The following BRIP1 variants were observed in gnomAD, a reference collection of about 807,000 sequenced individuals.
BRIP1 encodes the protein Fanconi anemia group J protein.
Under a neutral mutation model 119.7 loss-of-function variants are expected in BRIP1, and 88 were observed. The ratio of observed to expected loss-of-function variants is 0.74; its 90% CI spans 0.62 to 0.88. The LOEUF (loss-of-function observed/expected upper bound fraction) is 0.88. BRIP1 is among the 40% of genes least tolerant of loss of function. The probability of loss-of-function intolerance (pLI) is 0.00; values close to 1 mark genes in which losing one functional copy is unlikely to be tolerated. For synonymous variants in BRIP1, 443 were observed against 496.5 expected (o/e 0.89, Z 1.43); for missense variants, 1,259 against 1,455.4 (o/e 0.87, Z 2.20).
At chr17:61,727,348 C>T (rs144896846) in intron 16 of BRIP1, among the ~76,000 whole-genome samples, 267 of 152,212 alleles carry the variant, frequency 1.8e-3, no homozygotes, top group Non-Finnish European at 2.3e-3. Flanking sequence ...CGAGCATGTA[C>T]ATAAGAAAAA....
rs1260282146 is a variant in BRIP1, at chr17:61,846,281, T to C, written c.627+820A>G. Among the ~76,000 whole-genome samples, 4 of 143,834 alleles carry C rather than the reference T, an allele frequency of 2.8e-5. No homozygotes were observed. Among genetic ancestry groups the C allele is most frequent in the Admixed American group, 7.0e-5 (1 of 14,350 alleles). The allele number at this position is 143,834 out of a possible 152,430, so 94.4% of individuals were successfully genotyped here. A position where few individuals can be genotyped will look rare whatever the true frequency, so the allele number is the denominator to read the frequency against. On this transcript the variant is annotated intron_variant, in intron 6 of 19. Transcript: ENST00000259008. The surrounding 1 kb of genome is among the most constrained non-coding windows in gnomAD (Gnocchi z 4.3). ...GAGAGAAAGAGAGAGAGAGAGAGGT[T>C]GGAGCCAATACCTTGATTTCTGCTA...
At position 61,861,482 on chromosome 17, in the gene BRIP1, T is replaced by C; in HGVS notation, c.58A>G (p.Lys20Glu). ...ATAGCAAGCTGTGACGGGTAAGCTT[T>C]ATAAGGAAAGTAAATCTTCACCCCA... ...IGGVKIYFPY[K>E]AYPSQLAMMN... The change falls in exon 2 of 20, where the codon AAA becomes GAA. Residue 20 changes from lysine to glutamate, a missense_variant. Lys to Glu is a moderately conservative substitution (Grantham distance 56, BLOSUM62 1). Coordinates refer to ENST00000259008, the MANE Select transcript of BRIP1 (RefSeq NM_032043.3). The surrounding 1 kb of genome is among the most constrained non-coding windows in gnomAD (Gnocchi z 4.5). 6.2e-7 allele frequency: 1 copy of C among 1,613,458 alleles called. No homozygotes were observed. Among genetic ancestry groups the C allele is most frequent in the African/African-American group, 1.3e-5 (1 of 75,036 alleles).
rs1274638917 is a variant in BRIP1, at chr17:61,742,987, T to C, written c.2379+26A>G. The C allele has an allele frequency of 6.2e-7, 1 of 1,612,720 alleles. No individual in the cohort carries two copies. The highest frequency in any genetic ancestry group is 8.5e-7 in the Non-Finnish European group (1 of 1,178,916). On this transcript the variant is annotated intron_variant, in intron 16 of 19. Coordinates refer to ENST00000259008, the MANE Select transcript of BRIP1 (RefSeq NM_032043.3). The surrounding 1 kb of genome is among the most constrained non-coding windows in gnomAD (Gnocchi z 4.7). The stretch of plus-strand genomic sequence containing the variant: ...ACAAAACCAATGACTCCTGTAATAA[T>C]AAAACTTAAGGTTTTGATGGCCTAC...
intron 16 of BRIP1, among the ~76,000 whole-genome samples, chr17:61,721,293 C>T (rs529617571): frequency 1.9e-5 from 2 of 108,032 alleles, no homozygotes; most frequent in South Asian, 3.1e-4. Context: ...TTTTTTAACA[C>T]GGAGTCTTGC....
rs1424103953 is a variant in BRIP1 at position 61,722,064 on chromosome 17, C to T, written c.2380-6001G>A. On this transcript the variant is annotated intron_variant, in intron 16 of 19. Transcript: ENST00000259008. This position sits in a 1 kb window ranked among gnomAD's most constrained non-coding sequence, Gnocchi z 4.6. ...TTTTTTTTTTTCTTTTTTTTTGAGA[C>T]GGAGTCTTGCTCAATCACCCAGGCT... Among the ~76,000 whole-genome samples the T allele has an allele frequency of 4.1e-5, 6 of 147,440 alleles. No individual in the cohort carries two copies. The highest frequency in any genetic ancestry group is 2.1e-4 in the South Asian group (1 of 4,682).
In BRIP1 at chr17:61,696,138, C is replaced by T. The variant is rs114630168; in HGVS notation, c.2493-2626G>A. On this transcript the variant is annotated intron_variant, in intron 17 of 19. Transcript: ENST00000259008. Reference sequence around the variant, plus strand: ...ACCTCATTAAAGCTAAGTAAGTAACCTTATATTCCCACTTTGTTGAGTATT... The same window carrying T: ...ACCTCATTAAAGCTAAGTAAGTAACTTTATATTCCCACTTTGTTGAGTATT... Among the ~76,000 whole-genome samples the T allele has an allele frequency of 3.9e-3, 592 of 150,098 alleles. 3 individuals carry two copies. The highest frequency in any genetic ancestry group is 0.013 in the African/African-American group (520 of 40,918).
In BRIP1 at chr17:61,814,810, T is replaced by C. The variant is rs773040829; in HGVS notation, c.628-6053A>G. 1.3e-5 allele frequency among the ~76,000 whole-genome samples: 2 copies of C among 152,026 alleles called. No individual in the cohort carries two copies. The highest frequency in any genetic ancestry group is 1.3e-4 in the Admixed American group (2 of 15,260). On this transcript the variant is annotated intron_variant, in intron 6 of 19. Coordinates refer to ENST00000259008, the MANE Select transcript of BRIP1 (RefSeq NM_032043.3). This position sits in a 1 kb window ranked among gnomAD's most constrained non-coding sequence, Gnocchi z 4.9. ...TTAATAGTGAGAAAAACAAGCTACA[T>C]GTATCAACAGAAGGAATGGATGAGT...
At chr17:61,721,140 C>A (rs1603295533) in intron 16 of BRIP1, among the ~76,000 whole-genome samples, 4 of 152,032 alleles carry the variant, frequency 2.6e-5, no homozygotes, top group Admixed American at 2.6e-4. Flanking sequence ...CTGTGCCCAG[C>A]CACTATTAAC....
Position 61,793,764 on chromosome 17 carries a change from T to C in BRIP1, c.1341-35A>G, listed in dbSNP as rs1567825421. On this transcript the variant is annotated intron_variant, in intron 9 of 19. Transcript: ENST00000259008. The surrounding 1 kb of genome is among the most constrained non-coding windows in gnomAD (Gnocchi z 5.2). ...AATAAAACAATTGTGTCAACCAGTA[T>C]CATCCTTACACACACTATTTCAGCA... The C allele has an allele frequency of 6.3e-7, 1 of 1,597,538 alleles. No homozygotes were observed. The highest frequency in any genetic ancestry group is 2.2e-5 in the East Asian group (1 of 44,648).
chr17:61,744,422 T>G lies in BRIP1; in HGVS notation c.2257+10A>C. 1.9e-6 allele frequency: 3 copies of G among 1,612,382 alleles called. No homozygotes were observed. The highest frequency in any genetic ancestry group is 2.2e-5 in the South Asian group (2 of 90,884). On this transcript the variant is annotated intron_variant, in intron 15 of 19. Coordinates refer to ENST00000259008, the MANE Select transcript of BRIP1 (RefSeq NM_032043.3). The surrounding 1 kb of genome is among the most constrained non-coding windows in gnomAD (Gnocchi z 5.0). ...ATTTTTTCACCGACCATGAAATAATTTCCAGTTACCTTTCTCTCCTTTGTA... is the reference window on the plus strand; with the variant it reads ...ATTTTTTCACCGACCATGAAATAATGTCCAGTTACCTTTCTCTCCTTTGTA...
At chr17:61,863,136 GCTCCCTCCTCAGGTTTTCTGCCCCGTAT>G (rs1384918812) in intron 1 of BRIP1, 120 bp downstream of exon 1, 2 of 152,022 alleles carry the variant, frequency 1.3e-5, no homozygotes, top group African/African-American at 2.4e-5. Context: ...GTAAGGATAG[GCTCCCTCCTCAGGTTTTCTGCCCCGTAT>G]CTCCCTCCTC....
Position 61,705,443 on chromosome 17 carries a change from T to C in BRIP1, c.2492+10508A>G, listed in dbSNP as rs1396301356. On this transcript the variant is annotated intron_variant, in intron 17 of 19. Coordinates refer to ENST00000259008, the MANE Select transcript of BRIP1 (RefSeq NM_032043.3). The surrounding 1 kb of genome is among the most constrained non-coding windows in gnomAD (Gnocchi z 5.0). ...TTTTGGCAGAATGATTTATTTTCCTTTGGGCATATAACCAGTAATGGGATT... is the reference window on the plus strand; with the variant it reads ...TTTTGGCAGAATGATTTATTTTCCTCTGGGCATATAACCAGTAATGGGATT... Among the ~76,000 whole-genome samples the C allele has an allele frequency of 6.6e-6, 1 of 152,218 alleles. No individual in the cohort carries two copies. Among genetic ancestry groups the C allele is most frequent in the Admixed American group, 6.5e-5 (1 of 15,276 alleles).
Position 61,752,643 on chromosome 17 carries a change from G to A in BRIP1, c.2098-8052C>T, listed in dbSNP as rs115045589. ...TTTATTAAATTGCCTACAAGTACGT[G>A]AATCCTTAAATGCTCTCTGAATAGG... is the stretch of plus-strand genomic sequence containing the variant. On this transcript the variant is annotated intron_variant, in intron 14 of 19. Coordinates refer to ENST00000259008, the MANE Select transcript of BRIP1 (RefSeq NM_032043.3). This position sits in a 1 kb window ranked among gnomAD's most constrained non-coding sequence, Gnocchi z 6.2. Among the ~76,000 whole-genome samples, 903 of 152,208 alleles carry A rather than the reference G, an allele frequency of 5.9e-3. 5 individuals are homozygous for A. The highest frequency in any genetic ancestry group is 0.021 in the African/African-American group (865 of 41,522).
chr17:61,736,907 CCT>C lies in BRIP1; in HGVS notation c.2379+6104_2379+6105del, dbSNP rs1284417851. 1.3e-5 allele frequency among the ~76,000 whole-genome samples: 2 copies of C among 152,178 alleles called. No individual in the cohort carries two copies. Among genetic ancestry groups the C allele is most frequent in the East Asian group, 3.9e-4 (2 of 5,186 alleles). On this transcript the variant is annotated intron_variant, in intron 16 of 19. Coordinates refer to ENST00000259008, the MANE Select transcript of BRIP1 (RefSeq NM_032043.3). This position sits in a 1 kb window ranked among gnomAD's most constrained non-coding sequence, Gnocchi z 4.4. ...TACAATATGCTTTTGAATTGCAATT[CCT>C]CTGTTTTCCCTATATTATTTAAAAG...
intron 16 of BRIP1, among the ~76,000 whole-genome samples, chr17:61,731,689 C>T (rs1281349822): frequency 1.3e-5 from 2 of 152,242 alleles, no homozygotes; most frequent in South Asian, 2.1e-4. Context: ...AATATCACTT[C>T]CTCAGGAAGC....
chr17:61,846,355 T>C lies in BRIP1; in HGVS notation c.627+746A>G, dbSNP rs529456107. On this transcript the variant is annotated intron_variant, in intron 6 of 19. Coordinates refer to ENST00000259008, the MANE Select transcript of BRIP1 (RefSeq NM_032043.3). The surrounding 1 kb of genome is among the most constrained non-coding windows in gnomAD (Gnocchi z 4.3). ...CTTGCTTTTGCGCCACCAGTACAAA[T>C]GTCAAGACAATCCAAAAGGCAATAA... Among the ~76,000 whole-genome samples the C allele has an allele frequency of 1.9e-4, 29 of 151,992 alleles. No homozygotes were observed. Among genetic ancestry groups the C allele is most frequent in the African/African-American group, 6.7e-4 (28 of 41,494 alleles).
At chr17:61,716,135 T>C in intron 16 of BRIP1, 72 bp from the exon 17 acceptor site, 2 of 955,326 alleles carry the variant, frequency 2.1e-6, no homozygotes, top group East Asian at 2.7e-5. Flanking sequence ...TATTAACTTC[T>C]AACAGTTTGA....
chr17:61,793,833 CT>C lies in BRIP1; in HGVS notation c.1341-105del. On this transcript the variant is annotated intron_variant, in intron 9 of 19. Coordinates refer to ENST00000259008, the MANE Select transcript of BRIP1 (RefSeq NM_032043.3). This position sits in a 1 kb window ranked among gnomAD's most constrained non-coding sequence, Gnocchi z 5.2. Reference sequence around the variant, plus strand: ...TATTGTCATGCGTTGATCTGTATATCTTGACATTCTTAGGACATGAATGTGG... The same window carrying C: ...TATTGTCATGCGTTGATCTGTATATCTGACATTCTTAGGACATGAATGTGG... The C allele has an allele frequency of 8.3e-7, 1 of 1,201,808 alleles. No homozygotes were observed. Among genetic ancestry groups the C allele is most frequent in the Non-Finnish European group, 1.1e-6 (1 of 879,278 alleles). The allele number at this position is 1,201,808 out of a possible 1,614,324, so 74.4% of individuals were successfully genotyped here.
Position 61,825,469 on chromosome 17 carries a change from A to G in BRIP1, c.628-16712T>C, listed in dbSNP as rs2078391850. 6.6e-6 allele frequency among the ~76,000 whole-genome samples: 1 copy of G among 151,902 alleles called. No homozygotes were observed. Among genetic ancestry groups the G allele is most frequent in the African/African-American group, 2.4e-5 (1 of 41,364 alleles). ...GCAGATGACATGATCCTATATCTAG[A>G]AAACTCCACAGTCTCAGCCCAAAAC... On this transcript the variant is annotated intron_variant, in intron 6 of 19. Transcript: ENST00000259008. The surrounding 1 kb of genome is among the most constrained non-coding windows in gnomAD (Gnocchi z 4.1).
Sources: allele counts gnomAD v4.1 joint callset (sites outside exome capture counted in the v4.1 genomes callset), GRCh38; gene constraint gnomAD v4.1.1; non-coding constraint Gnocchi (gnomAD v3.1); transcripts MANE v1.5; gene names NCBI Gene and HGNC (gene_info 2026-07-23, HGNC 2026-07-21).